The following ASAP1 variants were observed in gnomAD, a reference collection of about 807,000 sequenced individuals.
ASAP1 encodes the protein arf-GAP with SH3 domain, ANK repeat and PH domain-containing protein 1.
A neutral mutation model predicts 145.2 loss-of-function variants in ASAP1; 43 were observed. The observed-to-expected ratio is 0.30, with a 90% CI of 0.23 to 0.38. The LOEUF is 0.38. ASAP1 is among the 10% of genes least tolerant of loss of function. ASAP1 has a pLI of 1.00. For synonymous variants in ASAP1, 546 were observed against 515.5 expected (o/e 1.06, Z -0.80); for missense variants, 1,018 against 1,355.3 (o/e 0.75, Z 3.91).
At chr8:130,290,620 T>C (rs1332450174) in intron 3 of ASAP1, among the ~76,000 whole-genome samples, 1 of 152,206 alleles carries the variant, frequency 6.6e-6, no homozygotes, top group Admixed American at 6.5e-5. Flanking sequence ...ATTCCAGTGG[T>C]GGTCATTCTT....
In ASAP1 at chr8:130,345,249, T is replaced by C. The variant is rs531143925; in HGVS notation, c.186+12768A>G. ...AAATCATATGATTCACTACTTACCA[T>C]CCATAAAGAAAAATCTGAGAGGTCA... On this transcript the variant is annotated intron_variant, in intron 3 of 29. Transcript: ENST00000518721. Among the ~76,000 whole-genome samples the C allele has an allele frequency of 9.2e-5, 14 of 152,190 alleles. No homozygotes were observed. The East Asian group carries it at 2.5e-3, about 27-fold the overall frequency.
intron 5 of ASAP1, chr8:130,195,045 A>T (rs943660334): frequency 6.6e-6 from 1 of 152,148 alleles, no homozygotes; most frequent in African/African-American, 2.4e-5. Flanking sequence ...TCCATTATAT[A>T]ATTATTTCCC....
intron 24 of ASAP1, among the ~76,000 whole-genome samples, chr8:130,107,516 ATGTATGT>A (rs147639752): frequency 0.28 from 22,649 of 81,770 alleles, 2,350 homozygotes; most frequent in East Asian, 0.48. Flanking sequence ...TTTTTAAAAA[ATGTATGT>A]ATGTATGTAT....
intron 3 of ASAP1, among the ~76,000 whole-genome samples, chr8:130,269,238 G>T (rs1188834477): frequency 6.6e-6 from 1 of 152,162 alleles, no homozygotes; most frequent in Non-Finnish European, 1.5e-5. Flanking sequence ...GCAGAGTCTG[G>T]TTTAGCTGTG....
intron 4 of ASAP1, among the ~76,000 whole-genome samples, chr8:130,234,287 T>C (rs1227842936): frequency 6.6e-6 from 1 of 152,166 alleles, no homozygotes; most frequent in Non-Finnish European, 1.5e-5. Flanking sequence ...GAACTGAATT[T>C]TAAATTTTAT....
intron 3 of ASAP1, among the ~76,000 whole-genome samples, chr8:130,355,454 G>A (rs1826251258): frequency 1.3e-5 from 2 of 152,110 alleles, no homozygotes; most frequent in Admixed American, 6.5e-5. Flanking sequence ...AGAATTCCAA[G>A]TTACCCAAAT....
chr8:130,071,047 A>AGAGAGAGAGAGAGAG (rs1491183461), intron 27 of ASAP1, among the ~76,000 whole-genome samples: 3 of 133,828 alleles, frequency 2.2e-5, no homozygotes, highest in Admixed American at 7.6e-5. Flanking sequence ...AGAGAGAGAG[A>AGAGAGAGAGAGAGAG]AAGCAGAGTT....
At position 130,179,254 on chromosome 8, in the gene ASAP1, T is replaced by C. The variant is rs774053134; in HGVS notation, c.746+10A>G. 1 of 1,557,998 alleles carries C rather than the reference T, an allele frequency of 6.4e-7. No homozygotes were observed. The highest frequency in any genetic ancestry group is 1.1e-5 in the South Asian group (1 of 89,220). ...TGGGCTAATAACAATGCTTGCAATA[T>C]TCTACTCACTTGCACTGTGCATGGT... On this transcript the variant is annotated intron_variant, in intron 9 of 29. Transcript: ENST00000518721.
chr8:130,403,560 T>C (rs1056298436), intron 1 of ASAP1, among the ~76,000 whole-genome samples: 9 of 149,606 alleles, frequency 6.0e-5, no homozygotes, highest in South Asian at 2.1e-4. Flanking sequence ...TTTTCTTTTT[T>C]TTTTTTTTTT....
At chr8:130,418,024 C>G (rs1025641970) in intron 1 of ASAP1, among the ~76,000 whole-genome samples, 1 of 152,168 alleles carries the variant, frequency 6.6e-6, no homozygotes, top group African/African-American at 2.4e-5. Context: ...GTCAGCTCCA[C>G]AAGACCCACA....
intron 3 of ASAP1, among the ~76,000 whole-genome samples, chr8:130,258,200 T>C (rs1819684030): frequency 6.6e-6 from 1 of 152,124 alleles, no homozygotes. Context: ...TGGAAGACGT[T>C]AGGGCACGTT....
At chr8:130,131,500 A>G (rs768372599) in intron 15 of ASAP1, among the ~76,000 whole-genome samples, 6 of 149,594 alleles carry the variant, frequency 4.0e-5, no homozygotes, top group Non-Finnish European at 1.5e-5. Flanking sequence ...ACTATAGCTC[A>G]CGCCTGTAAT....
chr8:130,303,842 A>G (rs563540322), intron 3 of ASAP1, among the ~76,000 whole-genome samples: 169 of 152,322 alleles, frequency 1.1e-3, no homozygotes, highest in South Asian at 2.3e-3. Flanking sequence ...ATACAGTAAC[A>G]GAGGATACAT....
intron 24 of ASAP1, among the ~76,000 whole-genome samples, chr8:130,109,852 T>C (rs2097543812): frequency 1.3e-5 from 2 of 152,246 alleles, no homozygotes; most frequent in African/African-American, 4.8e-5. Flanking sequence ...GTACTCCCTA[T>C]GTCTCACCAG....
chr8:130,070,474 CAGAGTGCAGAGTAGAAGCT>C (rs2097440762), intron 27 of ASAP1, among the ~76,000 whole-genome samples: 1 of 152,132 alleles, frequency 6.6e-6, no homozygotes, highest in Admixed American at 6.5e-5. Context: ...CCCAAGCCTG[CAGAGTGCAGAGTAGAAGCT>C]AGAGTGCTGG....
intron 9 of ASAP1, among the ~76,000 whole-genome samples, chr8:130,175,702 CTT>C (rs1227323573): frequency 6.6e-6 from 1 of 152,060 alleles, no homozygotes; most frequent in African/African-American, 2.4e-5. Flanking sequence ...CCTGTGCTTA[CTT>C]TGTCTGCTTT....
At chr8:130,143,411 G>GTTT (rs35855151) in intron 13 of ASAP1, among the ~76,000 whole-genome samples, 23,383 of 141,960 alleles carry the variant, frequency 0.16, 2,391 homozygotes, top group East Asian at 0.42. Flanking sequence ...TGAGATGTCT[G>GTTT]TTTTTTTTTT....
intron 25 of ASAP1, among the ~76,000 whole-genome samples, chr8:130,081,527 CA>C: frequency 6.6e-6 from 1 of 152,096 alleles, no homozygotes; most frequent in Admixed American, 6.6e-5. Context: ...GCCTAGGTGG[CA>C]CTGGGAATGG....
chr8:130,308,073 A>G (rs1823104565), intron 3 of ASAP1, among the ~76,000 whole-genome samples: 1 of 152,200 alleles, frequency 6.6e-6, no homozygotes, highest in Middle Eastern at 3.2e-3. Flanking sequence ...TTGAATTTAT[A>G]ATGTTATCAC....
Sources: gnomAD v4.1 joint callset for allele counts (sites outside exome capture counted in the v4.1 genomes callset) on GRCh38, gnomAD v4.1.1 for gene constraint, MANE v1.5 for transcripts, NCBI Gene and HGNC (gene_info 2026-07-23, HGNC 2026-07-21) for gene names.